IQCM: variants seen among roughly 807,000 people sequenced by gnomAD.
IQCM encodes IQ domain-containing protein M.
Under a neutral mutation model 57.6 loss-of-function variants are expected in IQCM, and 45 were observed. That is an observed-to-expected ratio of 0.78 (90% confidence interval 0.62 to 1.00). IQCM has a LOEUF of 1.00. Ranked by LOEUF, IQCM falls within the 50% of genes least tolerant of loss-of-function variation. The pLI is 0.00. For missense variants in IQCM, 468 were observed against 511.6 expected (o/e 0.91, Z 0.82); for synonymous variants, 148 against 158.9 (o/e 0.93, Z 0.51).
At chr4:149,726,374 C>T (rs1217661866) in intron 5 of IQCM, among the ~76,000 whole-genome samples, 2 of 152,138 alleles carry the variant, frequency 1.3e-5, no homozygotes. Context: ...CCCTGCCTTT[C>T]TCTTGGGACA....
chr4:149,553,231 G>T lies in IQCM; in HGVS notation c.1005C>A (p.Ile335=). The change falls in exon 11 of 14, where the codon ATC becomes ATA. Residue 335 remains isoleucine (I), a synonymous_variant. Coordinates refer to ENST00000636793, the MANE Select transcript of IQCM (RefSeq NM_001363507.2). ...GACCACGTCGATATCTAACACGGTG[G>T]ATTAGTCTGCCATACATGTTAATAA... is the stretch of plus-strand genomic sequence containing the variant. ...KAVINMYGRL[I]HRVRYRRGLW... is the part of the protein sequence containing the mutation. 2.4e-6 allele frequency: 3 copies of T among 1,231,920 alleles called. No individual in the cohort carries two copies. Among genetic ancestry groups the T allele is most frequent in the South Asian group, 4.1e-5 (1 of 24,312 alleles). The allele number at this position is 1,231,920 out of a possible 1,614,324, so 76.3% of individuals were successfully genotyped here.
At chr4:149,726,879 C>A (rs888244029) in intron 5 of IQCM, among the ~76,000 whole-genome samples, 1 of 151,974 alleles carries the variant, frequency 6.6e-6, no homozygotes, top group African/African-American at 2.4e-5. Flanking sequence ...CTCCGCCTCC[C>A]AGGTAGCTGG....
At chr4:149,478,489 T>TGATAC (rs1333100318) in intron 12 of IQCM, among the ~76,000 whole-genome samples, 2 of 152,180 alleles carry the variant, frequency 1.3e-5, no homozygotes, top group Non-Finnish European at 2.9e-5. Flanking sequence ...AAGAATGTCA[T>TGATAC]GATACATAAT....
In IQCM at chr4:149,361,389, T is replaced by C. The variant is rs1444860928; in HGVS notation, c.1391-9323A>G. On this transcript the variant is annotated intron_variant, in intron 13 of 13. Transcript: ENST00000636793. ...AACCTAATGTTAACCCCCAAGACCA[T>C]TGGGAAAATATCTCCAGGCCATGTC... Among the ~76,000 whole-genome samples, 5 of 152,130 alleles carry C rather than the reference T, an allele frequency of 3.3e-5. No individual in the cohort carries two copies. The South Asian group carries it at 6.2e-4, about 19-fold the overall frequency.
At chr4:149,549,881 T>G (rs1748857585) in intron 11 of IQCM, among the ~76,000 whole-genome samples, 1 of 152,192 alleles carries the variant, frequency 6.6e-6, no homozygotes, top group African/African-American at 2.4e-5. Context: ...ACATATTTAG[T>G]GATTGTCTAA....
At chr4:149,451,187 CGAAGG>C (rs1215021072) in intron 12 of IQCM, among the ~76,000 whole-genome samples, 1 of 150,946 alleles carries the variant, frequency 6.6e-6, no homozygotes, top group Non-Finnish European at 1.5e-5. Context: ...CCAGAGGCTG[CGAAGG>C]GAAGGGAAGG....
intron 6 of IQCM, 84 bp downstream of exon 6, chr4:149,686,293 TG>T: frequency 1.8e-6 from 1 of 564,610 alleles, no homozygotes; most frequent in East Asian, 3.5e-5. Flanking sequence ...TAGAAAAACT[TG>T]AGAGACCATG....
chr4:149,480,699 G>A (rs1049773789), intron 12 of IQCM, among the ~76,000 whole-genome samples: 15 of 152,236 alleles, frequency 9.9e-5, no homozygotes, highest in African/African-American at 2.9e-4. Context: ...TTTGGCAATT[G>A]TTAATACTAC....
rs532853685 is a variant in IQCM at position 149,688,207 on chromosome 4, A to G, written c.386-1739T>C. Reference sequence around the variant, plus strand: ...ATCATTTACCTTGAAAACTCTAAAGACTCCTCCAGAAAGTTCCTAGAACTG... The same window carrying G: ...ATCATTTACCTTGAAAACTCTAAAGGCTCCTCCAGAAAGTTCCTAGAACTG... On this transcript the variant is annotated intron_variant, in intron 5 of 13. Transcript: ENST00000636793. 4.6e-5 allele frequency among the ~76,000 whole-genome samples: 7 copies of G among 151,778 alleles called. No individual in the cohort carries two copies. In the Middle Eastern group the frequency reaches 0.014, roughly 295 times the overall value.
chr4:149,436,760 T>C (rs1396719406), intron 12 of IQCM, among the ~76,000 whole-genome samples: 1 of 152,104 alleles, frequency 6.6e-6, no homozygotes, highest in East Asian at 1.9e-4. Flanking sequence ...GGGATTTAGA[T>C]GTAGCAATAC....
chr4:149,642,814 C>A (rs1758310294), intron 7 of IQCM, among the ~76,000 whole-genome samples: 1 of 152,106 alleles, frequency 6.6e-6, no homozygotes, highest in Non-Finnish European at 1.5e-5. Context: ...TCTACTGGTT[C>A]ATAAAATTTG....
At chr4:149,731,471 T>G (rs1018180698) in intron 5 of IQCM, among the ~76,000 whole-genome samples, 9 of 152,210 alleles carry the variant, frequency 5.9e-5, no homozygotes, top group Admixed American at 5.2e-4. Flanking sequence ...GTTTATAAAT[T>G]ATTCAGGCAT....
chr4:149,440,018 G>A (rs1364933722), intron 12 of IQCM, among the ~76,000 whole-genome samples: 1 of 149,166 alleles, frequency 6.7e-6, no homozygotes, highest in Admixed American at 6.7e-5. Context: ...GTGCAGTAGC[G>A]CAATCTCGGC....
At chr4:149,386,905 C>G (rs190780093) in intron 13 of IQCM, among the ~76,000 whole-genome samples, 1 of 151,990 alleles carries the variant, frequency 6.6e-6, no homozygotes, top group African/African-American at 2.4e-5. Flanking sequence ...GATTTAATAT[C>G]TTTTTGTATC....
At chr4:149,742,171 A>G (rs532287348) in intron 3 of IQCM, among the ~76,000 whole-genome samples, 6 of 152,164 alleles carry the variant, frequency 3.9e-5, no homozygotes, top group African/African-American at 9.6e-5. Context: ...TTTTTGTTCT[A>G]TCTTCGAAAC....
rs183055196 is a variant in IQCM at position 149,673,272 on chromosome 4, A to G, written c.565+8846T>C. ...GACAGGATCAAATTCACACATAACA[A>G]TATTAACCTTAAATGTAAATGGGCT... On this transcript the variant is annotated intron_variant, in intron 7 of 13. Coordinates refer to ENST00000636793, the MANE Select transcript of IQCM (RefSeq NM_001363507.2). 7.2e-4 allele frequency among the ~76,000 whole-genome samples: 110 copies of G among 152,280 alleles called. 1 individual carries two copies. The Middle Eastern group carries it at 0.014, about 19-fold the overall frequency.
chr4:149,597,910 C>A (rs190323380), intron 8 of IQCM, among the ~76,000 whole-genome samples: 83 of 152,090 alleles, frequency 5.5e-4, no homozygotes, highest in Non-Finnish European at 9.4e-4. Flanking sequence ...TACACTTACA[C>A]ACCTCATGAC....
chr4:149,492,199 AGG>A (rs1742166190), intron 12 of IQCM, among the ~76,000 whole-genome samples: 1 of 152,072 alleles, frequency 6.6e-6, no homozygotes, highest in African/African-American at 2.4e-5. Flanking sequence ...CCCATTCCAT[AGG>A]GTTTTCTCTT....
At chr4:149,755,287 T>C (rs894836336) in intron 2 of IQCM, among the ~76,000 whole-genome samples, 8 of 152,170 alleles carry the variant, frequency 5.3e-5, no homozygotes, top group Non-Finnish European at 7.3e-5. Flanking sequence ...CAAAAGCTAC[T>C]GATGCCTTCC....
Sources: allele counts gnomAD v4.1 joint callset (sites outside exome capture counted in the v4.1 genomes callset), GRCh38; gene constraint gnomAD v4.1.1; transcripts MANE v1.5; gene names NCBI Gene and HGNC (gene_info 2026-07-23, HGNC 2026-07-21).